Variants in PRKCE observed in about 807,000 individuals in gnomAD.
PRKCE encodes protein kinase C epsilon type.
A neutral mutation model predicts 85.4 loss-of-function variants in PRKCE; 16 were observed. That is an observed-to-expected ratio of 0.19 (90% CI 0.13 to 0.28). PRKCE has a LOEUF of 0.28. Ranked by LOEUF, PRKCE falls within the 10% of genes least tolerant of loss-of-function variation. The pLI is 1.00. For missense variants in PRKCE, 573 were observed against 975.2 expected (o/e 0.59, Z 5.49); for synonymous variants, 388 against 371.5 (o/e 1.04, Z -0.51).
At chr2:45,701,451 T>G (rs932434502) in intron 1 of PRKCE, 1 of 152,152 alleles carries the variant, frequency 6.6e-6, no homozygotes, top group Non-Finnish European at 1.5e-5. Flanking sequence ...TATGATGAGG[T>G]CTCCAGCCCT....
rs768844479 is a variant in PRKCE at position 46,145,171 on chromosome 2, G to A, written c.1671G>A (p.Gly557=). 6.3e-7 allele frequency: 1 copy of A among 1,599,760 alleles called. No homozygotes were observed. Among genetic ancestry groups the A allele is most frequent in the South Asian group, 1.1e-5 (1 of 91,082 alleles). The change falls in exon 12 of 15, where the codon GGG becomes GGA. Residue 557 remains glycine (G), a synonymous_variant. Transcript: ENST00000306156. The surrounding 1 kb of genome is among the most constrained non-coding windows in gnomAD (Gnocchi z 4.6). ...CTGACTTCGGGATGTGCAAGGAAGG[G>A]ATTCTGAATGGTGTGACGACCACCA... ...KLADFGMCKE[G]ILNGVTTTTF...
intron 10 of PRKCE, among the ~76,000 whole-genome samples, chr2:46,064,009 C>T (rs1205888113): frequency 6.6e-6 from 1 of 152,108 alleles, no homozygotes; most frequent in African/African-American, 2.4e-5. Flanking sequence ...TGGTCGGGCA[C>T]AGTGGCTCAC....
At chr2:46,102,411 A>T (rs1404448274) in intron 11 of PRKCE, among the ~76,000 whole-genome samples, 1 of 152,208 alleles carries the variant, frequency 6.6e-6, no homozygotes, top group African/African-American at 2.4e-5. Context: ...TTTTTGTTTT[A>T]GAACAGCTTT....
Position 46,010,832 on chromosome 2 carries a change from T to C in PRKCE, c.1437+315T>C, listed in dbSNP as rs377498969. ...CAAGTGTGGTTAGTCCTTGCTCTGC[T>C]CCTAACTTTCTATCACTAATCAAAT... On this transcript the variant is annotated intron_variant, in intron 10 of 14. Coordinates refer to ENST00000306156, the MANE Select transcript of PRKCE (RefSeq NM_005400.3). The C allele has an allele frequency of 1.6e-5, 25 of 1,550,618 alleles. No individual in the cohort carries two copies. In the African/African-American group the frequency reaches 2.3e-4, roughly 14 times the overall value.
chr2:45,689,408 A>G (rs1043544941), intron 1 of PRKCE, among the ~76,000 whole-genome samples: 1 of 152,168 alleles, frequency 6.6e-6, no homozygotes, highest in Non-Finnish European at 1.5e-5. Context: ...CCCCAATCCC[A>G]TTCTCTATAC....
At position 45,706,051 on chromosome 2, in the gene PRKCE, T is replaced by C. The variant is rs1206466819; in HGVS notation, c.348+53603T>C. Reference sequence around the variant, plus strand: ...CTGCAGTTGGCCCTTGAATTTTTTCTATTGTTTGAGAACTAGAAATTATTT... The same window carrying C: ...CTGCAGTTGGCCCTTGAATTTTTTCCATTGTTTGAGAACTAGAAATTATTT... On this transcript the variant is annotated intron_variant, in intron 1 of 14. Coordinates refer to ENST00000306156, the MANE Select transcript of PRKCE (RefSeq NM_005400.3). Among the ~76,000 whole-genome samples, 6 of 152,316 alleles carry C rather than the reference T, an allele frequency of 3.9e-5. No homozygotes were observed. The South Asian group carries it at 8.3e-4, about 21-fold the overall frequency.
chr2:45,806,767 G>T (rs1209746907), intron 1 of PRKCE, among the ~76,000 whole-genome samples: 1 of 152,200 alleles, frequency 6.6e-6, no homozygotes, highest in Non-Finnish European at 1.5e-5. Context: ...AGATGAGGGA[G>T]GACCCCGGGG....
At position 46,187,318 on chromosome 2, in the gene PRKCE, T is replaced by C. The variant is rs1336874710; in HGVS notation, c.*2437T>C. On this transcript the variant is annotated 3_prime_UTR_variant, in exon 15 of 15. Coordinates refer to ENST00000306156, the MANE Select transcript of PRKCE (RefSeq NM_005400.3). ...GGCAGCTGAAGGCAGCCAGTCAGTC[T>C]GTCCCAGAAAGGGCCCTTTTCAGCA... 6.6e-6 allele frequency: 1 copy of C among 152,312 alleles called. No homozygotes were observed. Among genetic ancestry groups the C allele is most frequent in the Non-Finnish European group, 1.5e-5 (1 of 68,052 alleles). 9.4% of individuals were successfully genotyped at this position (152,312 alleles called of 1,614,324 possible). A position where few individuals can be genotyped will look rare whatever the true frequency, so the allele number is the denominator to read the frequency against.
At chr2:45,965,904 C>G in intron 2 of PRKCE, among the ~76,000 whole-genome samples, 1 of 152,022 alleles carries the variant, frequency 6.6e-6, no homozygotes. Flanking sequence ...CGCTGCATTA[C>G]GTTCCATTAT....
chr2:46,136,268 AT>A (rs1674987863), intron 11 of PRKCE, among the ~76,000 whole-genome samples: 1 of 152,252 alleles, frequency 6.6e-6, no homozygotes, highest in South Asian at 2.1e-4. Context: ...TCTGTGGTGA[AT>A]TTTCAAGTCA....
intron 1 of PRKCE, among the ~76,000 whole-genome samples, chr2:45,690,818 G>T (rs1677668543): frequency 1.3e-5 from 2 of 152,212 alleles, no homozygotes; most frequent in Admixed American, 6.5e-5. Flanking sequence ...CCAGTGGAAA[G>T]GCAATCATAG....
At chr2:45,665,489 C>T (rs1284103900) in intron 1 of PRKCE, among the ~76,000 whole-genome samples, 6 of 152,234 alleles carry the variant, frequency 3.9e-5, no homozygotes, top group Non-Finnish European at 8.8e-5. Flanking sequence ...CATCAACTCT[C>T]TGCCCCAGTT....
chr2:45,749,543 G>C (rs1249926112), intron 1 of PRKCE, among the ~76,000 whole-genome samples: 1 of 152,182 alleles, frequency 6.6e-6, no homozygotes, highest in African/African-American at 2.4e-5. Flanking sequence ...GCCTCAAAGA[G>C]AATTCACAGT....
intron 2 of PRKCE, among the ~76,000 whole-genome samples, chr2:45,917,259 C>A (rs562641878): frequency 6.6e-6 from 1 of 152,202 alleles, no homozygotes; most frequent in East Asian, 1.9e-4. Flanking sequence ...TCCAAGTCGC[C>A]GCCAGAGTAG....
At chr2:46,035,345 G>T (rs1005186255) in intron 10 of PRKCE, among the ~76,000 whole-genome samples, 1 of 152,234 alleles carries the variant, frequency 6.6e-6, no homozygotes, top group African/African-American at 2.4e-5. Flanking sequence ...GAGAAAACAA[G>T]GTCCAGGTCT....
intron 10 of PRKCE, among the ~76,000 whole-genome samples, chr2:46,071,550 G>T (rs559951460): frequency 6.6e-6 from 1 of 152,266 alleles, no homozygotes; most frequent in East Asian, 1.9e-4. Flanking sequence ...GGATTCCAAG[G>T]CCAAGTTTGG....
intron 11 of PRKCE, among the ~76,000 whole-genome samples, chr2:46,130,267 ATATG>A (rs1674291126): frequency 6.6e-6 from 1 of 152,086 alleles, no homozygotes; most frequent in South Asian, 2.1e-4. Flanking sequence ...TATTTACACT[ATATG>A]TATATATTAT....
At chr2:45,807,104 T>C (rs574847782) in intron 1 of PRKCE, among the ~76,000 whole-genome samples, 3 of 152,348 alleles carry the variant, frequency 2.0e-5, no homozygotes, top group Admixed American at 6.5e-5. Flanking sequence ...TGTTGAATAC[T>C]GGCTCTGCCT....
intron 6 of PRKCE, among the ~76,000 whole-genome samples, chr2:45,997,829 G>A (rs1427129007): frequency 2.0e-5 from 3 of 152,200 alleles, no homozygotes; most frequent in African/African-American, 7.2e-5. Context: ...TTACAGGCAT[G>A]AGCTTCCATA....
Sources: gnomAD v4.1 joint callset for allele counts (sites outside exome capture counted in the v4.1 genomes callset) on GRCh38, gnomAD v4.1.1 for gene constraint, Gnocchi (gnomAD v3.1) non-coding constraint, MANE v1.5 for transcripts, NCBI Gene and HGNC (gene_info 2026-07-23, HGNC 2026-07-21) for gene names.